UGGT2: variants seen among roughly 807,000 people sequenced by gnomAD.
UGGT2 encodes the protein UDP-glucose glycoprotein glucosyltransferase 2.
UGGT2 carries 180 observed loss-of-function variants against 192.1 expected under a neutral mutation model. The ratio of observed to expected loss-of-function variants is 0.94; its 90% CI spans 0.83 to 1.06. The LOEUF (loss-of-function observed/expected upper bound fraction) is 1.06. Among genes scored for constraint, UGGT2 ranks in the 50% least tolerant of loss-of-function variants. UGGT2 has a pLI of 0.00. For missense variants in UGGT2, 1,849 were observed against 1,795.7 expected (o/e 1.03, Z -0.54); for synonymous variants, 580 against 591.0 (o/e 0.98, Z 0.27).
At chr13:95,958,848 T>C (rs569796349) in intron 12 of UGGT2, among the ~76,000 whole-genome samples, 1 of 152,206 alleles carries the variant, frequency 6.6e-6, no homozygotes, top group East Asian at 1.9e-4. Flanking sequence ...GCAAGGAAAG[T>C]GTAAGTGAGA....
chr13:95,902,816 C>T, intron 21 of UGGT2, 38 bp downstream of exon 21: 1 of 1,539,406 alleles, frequency 6.5e-7, no homozygotes. Context: ...TTAAAATATG[C>T]AATACATACA....
At chr13:95,873,239 T>C (rs1386309315) in intron 29 of UGGT2, among the ~76,000 whole-genome samples, 1 of 152,166 alleles carries the variant, frequency 6.6e-6, no homozygotes, top group Non-Finnish European at 1.5e-5. Flanking sequence ...TTTATAAGGG[T>C]CAATATAAAT....
intron 22 of UGGT2, among the ~76,000 whole-genome samples, 154 bp from the exon 23 acceptor site, chr13:95,895,458 G>A (rs1293108929): frequency 3.3e-5 from 5 of 151,740 alleles, no homozygotes; most frequent in African/African-American, 7.3e-5. Flanking sequence ...TACTAAATAC[G>A]CTAGGAAACA....
chr13:95,876,004 G>T (rs1340894279), intron 29 of UGGT2, among the ~76,000 whole-genome samples: 1 of 152,026 alleles, frequency 6.6e-6, no homozygotes, highest in Non-Finnish European at 1.5e-5. Flanking sequence ...ACCAAATCAG[G>T]TTTATGGTCT....
chr13:95,818,441 A>G (rs1171984260), intron 38 of UGGT2, among the ~76,000 whole-genome samples: 1 of 152,236 alleles, frequency 6.6e-6, no homozygotes, highest in African/African-American at 2.4e-5. Context: ...AACAAAATCC[A>G]CAAACAACAT....
At chr13:95,834,486 G>A (rs778744878) in intron 37 of UGGT2, among the ~76,000 whole-genome samples, 6 of 152,156 alleles carry the variant, frequency 3.9e-5, no homozygotes, top group Non-Finnish European at 8.8e-5. Context: ...AAAACTCTGA[G>A]ATGGAAAGTT....
chr13:95,989,648 C>T, intron 8 of UGGT2: 2 of 315,762 alleles, frequency 6.3e-6, no homozygotes, highest in South Asian at 5.4e-5. Context: ...TTTCTCCTTA[C>T]CTAGGAGTTA....
intron 15 of UGGT2, among the ~76,000 whole-genome samples, chr13:95,942,499 T>C (rs1331741594): frequency 6.6e-6 from 1 of 152,090 alleles, no homozygotes; most frequent in East Asian, 1.9e-4. Flanking sequence ...TTATTTGCAT[T>C]TTTCAAATTT....
intron 36 of UGGT2, among the ~76,000 whole-genome samples, chr13:95,847,262 C>T (rs574531238): frequency 6.6e-6 from 1 of 152,130 alleles, no homozygotes; most frequent in Non-Finnish European, 1.5e-5. Flanking sequence ...ACACCCCCCA[C>T]CAAAGTGATA....
chr13:95,816,989 T>C lies in UGGT2; in HGVS notation c.4529-15177A>G, dbSNP rs188162140. Reference sequence around the variant, plus strand: ...TAAAAATACAAAAATTATCCAGGCATGTTGGCACATGCTTGTAATCCTAGC... The same window carrying C: ...TAAAAATACAAAAATTATCCAGGCACGTTGGCACATGCTTGTAATCCTAGC... On this transcript the variant is annotated intron_variant, in intron 38 of 38. Transcript: ENST00000376747. 4.6e-5 allele frequency among the ~76,000 whole-genome samples: 7 copies of C among 152,228 alleles called. No individual in the cohort carries two copies. In the East Asian group the frequency reaches 1.4e-3, roughly 30 times the overall value.
At chr13:95,935,853 G>T (rs1388398038) in intron 17 of UGGT2, among the ~76,000 whole-genome samples, 2 of 152,094 alleles carry the variant, frequency 1.3e-5, no homozygotes, top group African/African-American at 4.8e-5. Flanking sequence ...TTCAGACAGG[G>T]TCTCGCTCTG....
intron 38 of UGGT2, among the ~76,000 whole-genome samples, chr13:95,828,608 A>C (rs1886304873): frequency 6.6e-6 from 1 of 152,160 alleles, no homozygotes; most frequent in African/African-American, 2.4e-5. Flanking sequence ...CCCTCCCAAG[A>C]CTAAACCAGG....
intron 1 of UGGT2, among the ~76,000 whole-genome samples, chr13:96,040,761 G>A (rs2053142134): frequency 1.3e-5 from 2 of 152,158 alleles, no homozygotes; most frequent in South Asian, 2.1e-4. Flanking sequence ...GATGGGGTTT[G>A]TAAATCAGAC....
At chr13:96,038,063 C>G (rs528611297) in intron 1 of UGGT2, among the ~76,000 whole-genome samples, 3 of 152,264 alleles carry the variant, frequency 2.0e-5, no homozygotes, top group Admixed American at 2.0e-4. Flanking sequence ...CACAACAAAA[C>G]AATAAGGCAC....
rs7330023 is a variant in UGGT2 at position 95,817,540 on chromosome 13, C to T, written c.4528+15387G>A. Among the ~76,000 whole-genome samples, 195 of 152,160 alleles carry T rather than the reference C, an allele frequency of 1.3e-3. 2 individuals are homozygous for T. Among genetic ancestry groups the T allele is most frequent in the African/African-American group, 4.5e-3 (185 of 41,492 alleles). Reference sequence around the variant, plus strand: ...TGAGGCTGCAGTGAGCTATGATTGCCACTGCATTCCAGCTTGGGCAACAGA... The same window carrying T: ...TGAGGCTGCAGTGAGCTATGATTGCTACTGCATTCCAGCTTGGGCAACAGA... On this transcript the variant is annotated intron_variant, in intron 38 of 38. Transcript: ENST00000376747.
chr13:96,051,589 C>T (rs947426390), intron 1 of UGGT2, among the ~76,000 whole-genome samples: 2 of 151,690 alleles, frequency 1.3e-5, no homozygotes, highest in Non-Finnish European at 2.9e-5. Context: ...ACAATCTATA[C>T]ATCTGAAAAA....
At chr13:95,979,894 G>T (rs2051061875) in intron 10 of UGGT2, among the ~76,000 whole-genome samples, 3 of 152,166 alleles carry the variant, frequency 2.0e-5, no homozygotes, top group Admixed American at 2.0e-4. Flanking sequence ...ATGGAAAAAT[G>T]CTCAACATCA....
intron 10 of UGGT2, among the ~76,000 whole-genome samples, chr13:95,978,682 C>T (rs1443419538): frequency 2.6e-5 from 4 of 152,050 alleles, no homozygotes; most frequent in Non-Finnish European, 2.9e-5. Flanking sequence ...GTCTTTAACC[C>T]CTATTGATTT....
At chr13:95,846,596 T>C (rs78997386) in intron 36 of UGGT2, among the ~76,000 whole-genome samples, 3,029 of 152,346 alleles carry the variant, frequency 0.02, 49 homozygotes, top group Non-Finnish European at 0.033. Context: ...ATAGAATGAG[T>C]TGAAAAATAT....
Sources: gnomAD v4.1 joint callset for allele counts (sites outside exome capture counted in the v4.1 genomes callset) on GRCh38, gnomAD v4.1.1 for gene constraint, MANE v1.5 for transcripts, NCBI Gene and HGNC (gene_info 2026-07-23, HGNC 2026-07-21) for gene names.